The following BMP1 variants were observed in gnomAD, a reference collection of about 807,000 sequenced individuals.
BMP1 encodes bone morphogenetic protein 1, also known as mammalian tolloid protein.
A neutral mutation model predicts 116.8 loss-of-function variants in BMP1; 63 were observed. That is an observed-to-expected ratio of 0.54 (90% CI 0.44 to 0.67). The LOEUF (loss-of-function observed/expected upper bound fraction) is 0.67. Ranked by LOEUF, BMP1 falls within the 30% of genes least tolerant of loss-of-function variation. The pLI is 0.00. For missense variants in BMP1, 1,183 were observed against 1,358.9 expected (o/e 0.87, Z 2.04); for synonymous variants, 536 against 533.4 (o/e 1.00, Z -0.07).
intron 8 of BMP1, among the ~76,000 whole-genome samples, chr8:22,181,952 CCT>C (rs1828634963): frequency 6.6e-6 from 1 of 152,154 alleles, no homozygotes; most frequent in African/African-American, 2.4e-5. Flanking sequence ...TAACTCACTC[CCT>C]CTTTCCCATG....
At chr8:22,189,381 T>C (rs1828866322) in intron 8 of BMP1, among the ~76,000 whole-genome samples, 1 of 151,454 alleles carries the variant, frequency 6.6e-6, no homozygotes, top group Admixed American at 6.6e-5. Flanking sequence ...ATCGTCTTGA[T>C]TTCTCTCAAT....
chr8:22,184,345 A>T (rs1828707797), intron 8 of BMP1, among the ~76,000 whole-genome samples: 1 of 152,168 alleles, frequency 6.6e-6, no homozygotes, highest in Non-Finnish European at 1.5e-5. Flanking sequence ...CTTGCCCCAA[A>T]AGCATCTCTC....
At chr8:22,166,356 C>G (rs561729645) in intron 1 of BMP1, among the ~76,000 whole-genome samples, 1 of 151,242 alleles carries the variant, frequency 6.6e-6, no homozygotes, top group Non-Finnish European at 1.5e-5. Context: ...GTCAGGACCC[C>G]GGAGTGTGTG....
rs1829377911 is a variant in BMP1 at position 22,207,206 on chromosome 8, C to A, written c.2362-97C>A. ...TGTCATCCCCAGCTGTGGCTGCTCC[C>A]ATGGGTATCTGTGAGGCCTAGGTTT... On this transcript the variant is annotated intron_variant, in intron 17 of 19. Coordinates refer to ENST00000306385, the MANE Select transcript of BMP1 (RefSeq NM_006129.5). 13 of 1,437,726 alleles carry A rather than the reference C, an allele frequency of 9.0e-6. No homozygotes were observed. In the South Asian group the frequency reaches 1.7e-4, roughly 18 times the overall value. 89.1% of individuals were successfully genotyped at this position (1,437,726 alleles called of 1,614,324 possible).
intron 8 of BMP1, among the ~76,000 whole-genome samples, chr8:22,187,215 T>C (rs1375680444): frequency 1.3e-5 from 2 of 152,070 alleles, no homozygotes; most frequent in African/African-American, 2.4e-5. Flanking sequence ...AGTCTCAAAC[T>C]CCTGACCTCA....
At chr8:22,183,591 A>AATT (rs10687529) in intron 8 of BMP1, among the ~76,000 whole-genome samples, 24,067 of 146,858 alleles carry the variant, frequency 0.16, 2,190 homozygotes, top group African/African-American at 0.24. Context: ...GTATGTGTTA[A>AATT]ATTATTATTA....
rs184951430 is a variant in BMP1 at position 22,172,149 on chromosome 8, C to T, written c.149-1453C>T. On this transcript the variant is annotated intron_variant, in intron 1 of 19. Coordinates refer to ENST00000306385, the MANE Select transcript of BMP1 (RefSeq NM_006129.5). ...CAAGGTTAAAACAATTTGTGTAACGCGACCGCCAGGCCTGTATAGCACTCT... is the reference window on the plus strand; with the variant it reads ...CAAGGTTAAAACAATTTGTGTAACGTGACCGCCAGGCCTGTATAGCACTCT... 3.5e-4 allele frequency among the ~76,000 whole-genome samples: 53 copies of T among 152,220 alleles called. 2 individuals are homozygous for T. The highest frequency in any genetic ancestry group is 1.9e-3 in the Admixed American group (29 of 15,296).
Position 22,176,649 on chromosome 8 carries a change from G to C in BMP1, c.550G>C (p.Gly184Arg). The C allele has an allele frequency of 6.2e-7, 1 of 1,614,032 alleles. No individual in the cohort carries two copies. The highest frequency in any genetic ancestry group is 1.3e-5 in the African/African-American group (1 of 75,038). Residue 184 changes from glycine (G) to arginine (R), a missense_variant and splice_region_variant, in exon 4 of 20, where the codon GGG (glycine) becomes CGG (arginine). This residue lies in a region of BMP1 where 956 missense variants were observed against 1,135.2 expected (regional missense o/e 0.84). Coordinates refer to ENST00000306385, the MANE Select transcript of BMP1 (RefSeq NM_006129.5). Reference protein sequence around the residue: ...SYIVFTYRPCGCCSYVGRRGG... With the variant: ...SYIVFTYRPCRCCSYVGRRGG... The stretch of plus-strand genomic sequence containing the variant: ...TATTGTGTTCACCTATCGACCTTGC[G>C]GGTGAGCAGGAAGCCCTAGGCGCTG...
intron 8 of BMP1, among the ~76,000 whole-genome samples, chr8:22,189,487 A>G (rs1451882225): frequency 6.7e-6 from 1 of 149,780 alleles, no homozygotes; most frequent in African/African-American, 2.4e-5. Context: ...TATAATATAT[A>G]ATATAAATAA....
chr8:22,198,862 C>T (rs1829169279), intron 15 of BMP1: 2 of 998,144 alleles, frequency 2.0e-6, no homozygotes, highest in South Asian at 2.0e-5. Context: ...GAGACCCTCC[C>T]CATGCCAGGC....
In BMP1 at chr8:22,194,586, T is replaced by C. The variant is rs774247127; in HGVS notation, c.1439T>C (p.Phe480Ser). The C allele has an allele frequency of 2.5e-6, 4 of 1,613,894 alleles. No homozygotes were observed. The African/African-American group carries it at 5.3e-5, about 22-fold the overall frequency. ...GFHVGLTFQSFEIERHDSCAY... is the reference protein window; with the variant it reads ...GFHVGLTFQSSEIERHDSCAY... ...CACGTGGGCCTCACATTCCAGTCCTTTGAGGTAGGTCAGTGGCCCTGTGAT... is the reference window on the plus strand; with the variant it reads ...CACGTGGGCCTCACATTCCAGTCCTCTGAGGTAGGTCAGTGGCCCTGTGAT... The change falls in exon 11 of 20, where the codon TTT becomes TCT. Residue 480 changes from phenylalanine to serine, a missense_variant. Physicochemically the swap from Phe to Ser is radical, Grantham distance 155 (BLOSUM62 -2). Around this residue, in one of 4 missense-constraint regions of BMP1, gnomAD observed 956 missense variants for 1,135.2 expected, o/e 0.84. Transcript: ENST00000306385. This position sits in a 1 kb window ranked among gnomAD's most constrained non-coding sequence, Gnocchi z 4.5.
Position 22,194,652 on chromosome 8 carries a change from C to T in BMP1, c.1443+62C>T, listed in dbSNP as rs369454366. On this transcript the variant is annotated intron_variant, in intron 11 of 19. Coordinates refer to ENST00000306385, the MANE Select transcript of BMP1 (RefSeq NM_006129.5). This position sits in a 1 kb window ranked among gnomAD's most constrained non-coding sequence, Gnocchi z 4.5. The stretch of plus-strand genomic sequence containing the variant: ...AGCAGTTGCTCCCTGGGACAGCTGC[C>T]TCTCTTTGGGCTCCCAGGGGTGGGT... The T allele has an allele frequency of 1.0e-5, 16 of 1,600,388 alleles. No homozygotes were observed. The highest frequency in any genetic ancestry group is 1.1e-5 in the South Asian group (1 of 89,388).
At position 22,188,186 on chromosome 8, in the gene BMP1, T is replaced by G. The variant is rs567619249; in HGVS notation, c.1078-3863T>G. Among the ~76,000 whole-genome samples, 127 of 150,354 alleles carry G rather than the reference T, an allele frequency of 8.4e-4. 1 individual carries two copies. Among genetic ancestry groups the G allele is most frequent in the Non-Finnish European group, 1.4e-3 (92 of 67,470 alleles). ...TCATTTCCAGTTTTGGGTTTTTTTT[T>G]TTTTTTTTTTTTCTGAGACAGAGTT... On this transcript the variant is annotated intron_variant, in intron 8 of 19. Coordinates refer to ENST00000306385, the MANE Select transcript of BMP1 (RefSeq NM_006129.5).
chr8:22,165,692 A>C (rs1370399944), intron 1 of BMP1, 139 bp downstream of exon 1: 31 of 367,562 alleles, frequency 8.4e-5, no homozygotes, highest in Middle Eastern at 9.4e-4. Flanking sequence ...CAAAAGAACG[A>C]GGGGGAGAGG....
chr8:22,202,570 G>A (rs112436452), intron 16 of BMP1, among the ~76,000 whole-genome samples: 19 of 152,210 alleles, frequency 1.2e-4, no homozygotes, highest in Admixed American at 3.3e-4. Flanking sequence ...GCTCTAGGCC[G>A]GGCACGGTGG....
At chr8:22,181,523 G>A (rs568531797) in intron 8 of BMP1, among the ~76,000 whole-genome samples, 1 of 151,908 alleles carries the variant, frequency 6.6e-6, no homozygotes, top group Admixed American at 6.6e-5. Flanking sequence ...CTACTTTTCA[G>A]AATAATTCAT....
intron 15 of BMP1, chr8:22,201,458 C>G (rs1829261691): frequency 7.1e-7 from 1 of 1,404,828 alleles, no homozygotes; most frequent in African/African-American, 1.5e-5. Context: ...AGAGGGACCC[C>G]TGCGTCCTGC....
rs1828339223 is a variant in BMP1 at position 22,173,491 on chromosome 8, G to A, written c.149-111G>A. 1.4e-5 allele frequency: 9 copies of A among 658,894 alleles called. No individual in the cohort carries two copies. In the South Asian group the frequency reaches 2.0e-4, roughly 14 times the overall value. The allele number at this position is 658,894 out of a possible 1,614,324, so 40.8% of individuals were successfully genotyped here. A position where few individuals can be genotyped will look rare whatever the true frequency, so the allele number is the denominator to read the frequency against. On this transcript the variant is annotated intron_variant, in intron 1 of 19. Coordinates refer to ENST00000306385, the MANE Select transcript of BMP1 (RefSeq NM_006129.5). ...GTTCAGATGGCATTTGAGGATCACA[G>A]TCGCTGTGGAGGTTGGGGGCTGGTG...
chr8:22,207,479 G>C lies in BMP1; in HGVS notation c.2538G>C (p.Ser846=), dbSNP rs763570635. 27 of 1,613,714 alleles carry C rather than the reference G, an allele frequency of 1.7e-5. No individual in the cohort carries two copies. The highest frequency in any genetic ancestry group is 2.3e-5 in the Non-Finnish European group (27 of 1,180,044). Residue 846 remains serine, a synonymous_variant, in exon 18 of 20, where the codon TCG becomes TCC. Transcript: ENST00000306385. ...TCCTGCGCTTCTACTCAGATAACTCGGTCCAGCGAAAGGGCTTCCAGGCCT... is the reference window on the plus strand; with the variant it reads ...TCCTGCGCTTCTACTCAGATAACTCCGTCCAGCGAAAGGGCTTCCAGGCCT... ...RMFLRFYSDN[S]VQRKGFQASH...
Sources: allele counts gnomAD v4.1 joint callset (sites outside exome capture counted in the v4.1 genomes callset), GRCh38; gene constraint gnomAD v4.1.1; regional missense constraint gnomAD v4.1.1; non-coding constraint Gnocchi (gnomAD v3.1); transcripts MANE v1.5; gene names NCBI Gene and HGNC (gene_info 2026-07-23, HGNC 2026-07-21).